The following CDK7 variants were observed in gnomAD, a reference collection of about 807,000 sequenced individuals.
The protein encoded by CDK7 is cyclin dependent kinase 7.
In CDK7, 25 loss-of-function variants were observed where a neutral mutation model predicts 49.1. The ratio of observed to expected loss-of-function variants is 0.51; its 90% CI spans 0.37 to 0.71. The LOEUF (loss-of-function observed/expected upper bound fraction) is 0.71. CDK7 is among the 30% of genes least tolerant of loss of function. The pLI is 0.00. For synonymous variants in CDK7, 107 were observed against 140.0 expected (o/e 0.76, Z 1.67); for missense variants, 316 against 411.7 (o/e 0.77, Z 2.01).
At chr5:69,262,404 C>G (rs1016302682) in intron 8 of CDK7, 100 bp downstream of exon 8, 1 of 1,514,292 alleles carries the variant, frequency 6.6e-7, no homozygotes, top group Non-Finnish European at 9.1e-7. Context: ...CATGGTGGCT[C>G]ACGCCTGTAA....
rs141794269 is a variant in CDK7 at position 69,266,038 on chromosome 5, G to A, written c.628-3169G>A. Among the ~76,000 whole-genome samples, 253 of 152,248 alleles carry A rather than the reference G, an allele frequency of 1.7e-3. 1 individual carries two copies. Among genetic ancestry groups the A allele is most frequent in the African/African-American group, 5.9e-3 (244 of 41,568 alleles). ...GGTTGTCAAGGCTGCAGTGAGCCACGTTTGTGCCACTGCATTCCAGCCTGG... is the reference window on the plus strand; with the variant it reads ...GGTTGTCAAGGCTGCAGTGAGCCACATTTGTGCCACTGCATTCCAGCCTGG... On this transcript the variant is annotated intron_variant, in intron 8 of 11. Coordinates refer to ENST00000256443, the MANE Select transcript of CDK7 (RefSeq NM_001799.4).
chr5:69,274,245 TTATTAA>T (rs1225186383), intron 10 of CDK7, among the ~76,000 whole-genome samples: 1 of 152,222 alleles, frequency 6.6e-6, no homozygotes, highest in Non-Finnish European at 1.5e-5. Flanking sequence ...ATGGATGTCT[TTATTAA>T]AGTTGGAATG....
chr5:69,252,321 C>G, intron 2 of CDK7, 97 bp from the exon 3 acceptor site: 1 of 750,288 alleles, frequency 1.3e-6, no homozygotes. Context: ...GTTTTTTTTT[C>G]TGTGGCGAAG....
chr5:69,252,476 G>A, intron 3 of CDK7, 25 bp downstream of exon 3: 1 of 752,734 alleles, frequency 1.3e-6, no homozygotes, highest in Non-Finnish European at 2.1e-6. Context: ...TAATCTGACA[G>A]ATAGGAAAAG....
At chr5:69,255,902 C>A in intron 5 of CDK7, 1 of 188,450 alleles carries the variant, frequency 5.3e-6, no homozygotes, top group Non-Finnish European at 1.1e-5. Flanking sequence ...CGGCTCTCTG[C>A]AGCCATCACC....
chr5:69,235,074 A>C, intron 1 of CDK7, 33 bp downstream of exon 1: 1 of 1,569,084 alleles, frequency 6.4e-7, no homozygotes, highest in East Asian at 2.3e-5. Context: ...GGAGGGCCCC[A>C]AGCGGACAGC....
chr5:69,261,488 C>CTGTGTGTGTG (rs376469145), intron 7 of CDK7, among the ~76,000 whole-genome samples: 12,828 of 118,866 alleles, frequency 0.11, 499 homozygotes, highest in South Asian at 0.16. Context: ...TGAAAAGGTT[C>CTGTGTGTGTG]TCTGTGTGTG....
chr5:69,269,502 C>T (rs1447276208), intron 9 of CDK7, among the ~76,000 whole-genome samples: 3 of 152,110 alleles, frequency 2.0e-5, no homozygotes, highest in African/African-American at 7.2e-5. Context: ...TCCTTTCCCC[C>T]CACCCCAGTA....
At chr5:69,241,023 C>G (rs1164370628) in intron 2 of CDK7, among the ~76,000 whole-genome samples, 1 of 152,156 alleles carries the variant, frequency 6.6e-6, no homozygotes, top group Non-Finnish European at 1.5e-5. Flanking sequence ...CAAATCTTGG[C>G]TATTCTGAAT....
At position 69,246,649 on chromosome 5, in the gene CDK7, G is replaced by A. The variant is rs185322324; in HGVS notation, c.127-5769G>A. Among the ~76,000 whole-genome samples the A allele has an allele frequency of 1.7e-4, 25 of 149,200 alleles. 1 individual carries two copies. Among genetic ancestry groups the A allele is most frequent in the Admixed American group, 1.6e-3 (24 of 14,992 alleles). On this transcript the variant is annotated intron_variant, in intron 2 of 11. Coordinates refer to ENST00000256443, the MANE Select transcript of CDK7 (RefSeq NM_001799.4). ...TTTCTTCTAACTTTGGGATTGGTTT[G>A]CTCCTGCTTTTCTAGTTCTTTAAGA...
At chr5:69,259,991 C>A in intron 7 of CDK7, 55 bp downstream of exon 7, 1 of 1,043,698 alleles carries the variant, frequency 9.6e-7, no homozygotes, top group Non-Finnish European at 1.5e-6. Context: ...TGAGCATCAA[C>A]TGGCTTCTCT....
intron 2 of CDK7, among the ~76,000 whole-genome samples, chr5:69,248,790 C>CTTTTTTTTTTTT (rs61331502): frequency 4.5e-5 from 5 of 110,478 alleles, no homozygotes; most frequent in African/African-American, 1.3e-4. Context: ...ACCTTCTTTT[C>CTTTTTTTTTTTT]TTTTTTTTTT....
Position 69,272,915 on chromosome 5 carries a change from T to C in CDK7, c.738T>C (p.Tyr246=). 2 of 1,593,758 alleles carry C rather than the reference T, an allele frequency of 1.3e-6. No homozygotes were observed. The highest frequency in any genetic ancestry group is 1.7e-6 in the Non-Finnish European group (2 of 1,168,334). ...AGGACATGTGTAGTCTTCCAGATTA[T>C]GTGACATTTAAGAGTTTCCCTGGAA... ...QWPDMCSLPD[Y]VTFKSFPGIP... The change falls in exon 10 of 12, where the codon TAT becomes TAC. Residue 246 remains tyrosine (Y), a synonymous_variant. Coordinates refer to ENST00000256443, the MANE Select transcript of CDK7 (RefSeq NM_001799.4).
intron 2 of CDK7, among the ~76,000 whole-genome samples, chr5:69,240,463 G>A (rs900113076): frequency 2.6e-5 from 4 of 152,128 alleles, no homozygotes; most frequent in Non-Finnish European, 5.9e-5. Flanking sequence ...TGAAGTCTGG[G>A]GTTTTAAAAT....
chr5:69,258,238 T>A (rs1412715646), intron 6 of CDK7, 85 bp downstream of exon 6: 1 of 612,042 alleles, frequency 1.6e-6, no homozygotes, highest in Non-Finnish European at 2.9e-6. Flanking sequence ...TGTAAATTGT[T>A]TAACAATGAA....
At chr5:69,240,947 C>G (rs1188784554) in intron 2 of CDK7, among the ~76,000 whole-genome samples, 2 of 151,990 alleles carry the variant, frequency 1.3e-5, no homozygotes, top group Admixed American at 1.3e-4. Context: ...TTGAATGGTA[C>G]TCTTTGTGTA....
chr5:69,258,207 T>C (rs1341557281), intron 6 of CDK7, 54 bp downstream of exon 6: 11 of 711,656 alleles, frequency 1.5e-5, no homozygotes, highest in Non-Finnish European at 2.4e-5. Context: ...ATAGCCAATT[T>C]GGTACATAGT....
rs1334048062 is a variant in CDK7 at position 69,248,804 on chromosome 5, T to TTC, written c.127-3613_127-3612insCT. 3.8e-5 allele frequency among the ~76,000 whole-genome samples: 5 copies of TTC among 132,922 alleles called. No individual in the cohort carries two copies. The East Asian group carries it at 6.0e-4, about 16-fold the overall frequency. The allele number at this position is 132,922 out of a possible 152,430, so 87.2% of individuals were successfully genotyped here. ...AACCTTCTTTTCTTTTTTTTTTTCT[T>TTC]TTTTTTTTTTTTTTTGGAGACGGAG... On this transcript the variant is annotated intron_variant, in intron 2 of 11. Transcript: ENST00000256443.
At position 69,262,297 on chromosome 5, in the gene CDK7, T is replaced by C. The variant is rs750053473; in HGVS notation, c.620T>C (p.Leu207Pro). Residue 207 changes from leucine to proline, a missense_variant, in exon 8 of 12, where the codon CTT becomes CCT. By Grantham distance (98) the Leu-to-Pro change is moderately conservative. Transcript: ENST00000256443. Reference protein sequence around the residue: ...WAVGCILAELLLRVPFLPGDS... With the variant: ...WAVGCILAELPLRVPFLPGDS... ...GTTGGCTGTATATTAGCAGAGTTACTTCTAAGGGTAAGTCTAAATTAATGT... is the reference window on the plus strand; with the variant it reads ...GTTGGCTGTATATTAGCAGAGTTACCTCTAAGGGTAAGTCTAAATTAATGT... 2.5e-6 allele frequency: 4 copies of C among 1,614,032 alleles called. No homozygotes were observed. In the South Asian group the frequency reaches 4.4e-5, roughly 18 times the overall value.
Sources: allele counts gnomAD v4.1 joint callset (sites outside exome capture counted in the v4.1 genomes callset), GRCh38; gene constraint gnomAD v4.1.1; transcripts MANE v1.5; gene names NCBI Gene and HGNC (gene_info 2026-07-23, HGNC 2026-07-21).